TCN2: variants seen among roughly 807,000 people sequenced by gnomAD.
TCN2 encodes the protein transcobalamin-2.
TCN2 carries 34 observed loss-of-function variants against 48.6 expected under a neutral mutation model. The ratio of observed to expected loss-of-function variants is 0.70; its 90% CI spans 0.53 to 0.93. TCN2 has a LOEUF of 0.93. TCN2 is among the 40% of genes least tolerant of loss of function. The pLI is 0.00. For synonymous variants in TCN2, 283 were observed against 212.5 expected (o/e 1.33, Z -2.89); for missense variants, 652 against 526.1 (o/e 1.24, Z -2.34).
At chr22:30,614,098 G>A (rs1469070963) in intron 3 of TCN2, among the ~76,000 whole-genome samples, 5 of 152,152 alleles carry the variant, frequency 3.3e-5, no homozygotes, top group Admixed American at 1.3e-4. Context: ...AATTGCAGTC[G>A]CATGAGCAAT....
At position 30,613,489 on chromosome 22, in the gene TCN2, G is replaced by C. The variant is rs938103035; in HGVS notation, c.427+447G>C. On this transcript the variant is annotated intron_variant, in intron 3 of 8. Coordinates refer to ENST00000215838, the MANE Select transcript of TCN2 (RefSeq NM_000355.4). ...ACGTGGGGTTTCTCCATGTTGGTCA[G>C]GCTGGTCTCGAACTCCTGACCTCAG... Among the ~76,000 whole-genome samples, 14 of 152,114 alleles carry C rather than the reference G, an allele frequency of 9.2e-5. No homozygotes were observed. In the South Asian group the frequency reaches 1.2e-3, roughly 14 times the overall value.
chr22:30,624,582 G>C (rs2087775621), intron 8 of TCN2, among the ~76,000 whole-genome samples: 2 of 152,046 alleles, frequency 1.3e-5, no homozygotes, highest in Admixed American at 6.6e-5. Flanking sequence ...ATAAAAAATA[G>C]GAGCTACAGA....
intron 1 of TCN2, among the ~76,000 whole-genome samples, chr22:30,608,661 A>C (rs754331339): frequency 3.3e-5 from 5 of 151,956 alleles, no homozygotes; most frequent in Non-Finnish European, 7.4e-5. Context: ...AATTGCTGAG[A>C]TTACAGGCGT....
intron 3 of TCN2, among the ~76,000 whole-genome samples, chr22:30,614,113 G>C (rs1226439310): frequency 1.3e-5 from 2 of 152,210 alleles, no homozygotes; most frequent in Non-Finnish European, 2.9e-5. Flanking sequence ...AGCAATTGCT[G>C]TGGTTGAGGC....
chr22:30,617,088 A>T (rs1435788239), intron 6 of TCN2, among the ~76,000 whole-genome samples: 2 of 151,488 alleles, frequency 1.3e-5, no homozygotes, highest in Non-Finnish European at 2.9e-5. Context: ...GAGGGGCCTG[A>T]TCTTGGGTGG....
At chr22:30,621,806 C>T (rs1423282723) in intron 7 of TCN2, among the ~76,000 whole-genome samples, 4 of 151,970 alleles carry the variant, frequency 2.6e-5, no homozygotes, top group Non-Finnish European at 4.4e-5. Flanking sequence ...TTTGAAAGAC[C>T]ATTCCCCCAA....
intron 1 of TCN2, 69 bp from the exon 2 acceptor site, chr22:30,610,802 T>G: frequency 1.9e-6 from 3 of 1,558,020 alleles, no homozygotes; most frequent in Non-Finnish European, 2.7e-6. Context: ...AAGGCCCTGG[T>G]AACGTCAAAG....
At chr22:30,619,651 C>G (rs1238408720) in intron 7 of TCN2, among the ~76,000 whole-genome samples, 1 of 152,150 alleles carries the variant, frequency 6.6e-6, no homozygotes, top group Non-Finnish European at 1.5e-5. Flanking sequence ...GAATCATGGG[C>G]CTATCTCTGT....
At chr22:30,607,601 G>A (rs772418293) in intron 1 of TCN2, among the ~76,000 whole-genome samples, 2 of 152,170 alleles carry the variant, frequency 1.3e-5, no homozygotes, top group Admixed American at 6.5e-5. Context: ...TCAGTCATTC[G>A]TTCACACATT....
chr22:30,610,113 GTGTT>G (rs1220610821), intron 1 of TCN2: 11 of 447,186 alleles, frequency 2.5e-5, no homozygotes, highest in South Asian at 5.0e-5. Flanking sequence ...CGCTTCCAGA[GTGTT>G]TGAGTATTTT....
At chr22:30,615,013 C>G (rs1186447740) in intron 4 of TCN2, among the ~76,000 whole-genome samples, 3 of 152,220 alleles carry the variant, frequency 2.0e-5, no homozygotes, top group South Asian at 2.1e-4. Flanking sequence ...CCTCCCTCCT[C>G]CAGTCCTTCT....
intron 8 of TCN2, 78 bp from the exon 9 acceptor site, chr22:30,626,382 T>C: frequency 6.8e-7 from 1 of 1,466,780 alleles, no homozygotes; most frequent in Admixed American, 1.7e-5. Context: ...AGCCTCAGGG[T>C]GGGGGGTCTG....
chr22:30,625,805 C>G (rs1003313584), intron 8 of TCN2, among the ~76,000 whole-genome samples: 4 of 152,166 alleles, frequency 2.6e-5, no homozygotes, highest in African/African-American at 9.7e-5. Flanking sequence ...GCTCTACTCT[C>G]ATGACCTAAT....
chr22:30,615,830 T>A, intron 6 of TCN2, 43 bp downstream of exon 6: 1 of 1,611,282 alleles, frequency 6.2e-7, no homozygotes, highest in Non-Finnish European at 8.5e-7. Flanking sequence ...TACAATCTGC[T>A]GCGCACCCAT....
chr22:30,615,203 T>C, intron 4 of TCN2, 98 bp from the exon 5 acceptor site: 1 of 1,312,612 alleles, frequency 7.6e-7, no homozygotes, highest in Non-Finnish European at 1.1e-6. Flanking sequence ...AGCCCTCCTG[T>C]GGTTGTCCAT....
At chr22:30,619,063 C>T (rs2087658643) in intron 7 of TCN2, among the ~76,000 whole-genome samples, 1 of 152,086 alleles carries the variant, frequency 6.6e-6, no homozygotes, top group African/African-American at 2.4e-5. Context: ...AGCCACTATG[C>T]CTGGCCCAGA....
In TCN2 at chr22:30,615,671, T is replaced by A; in HGVS notation, c.824T>A (p.Leu275Gln). ...TGTCTCAAGGCGAGGGTTGCTTTGC[T>A]GGCCAGTCTGCAGGATGGAGCCTTC... ...TACLKARVAL[L>Q]ASLQDGAFQN... The change falls in exon 6 of 9, where the codon CTG (leucine) becomes CAG (glutamine). Residue 275 changes from leucine to glutamine, a missense_variant. By Grantham distance (113) the Leu-to-Gln change is moderately radical. Transcript: ENST00000215838. The A allele has an allele frequency of 1.9e-6, 3 of 1,614,250 alleles. No individual in the cohort carries two copies. Among genetic ancestry groups the A allele is most frequent in the Non-Finnish European group, 2.5e-6 (3 of 1,180,048 alleles).
chr22:30,611,449 C>T (rs1216895865), intron 2 of TCN2, among the ~76,000 whole-genome samples: 1 of 152,186 alleles, frequency 6.6e-6, no homozygotes, highest in Non-Finnish European at 1.5e-5. Flanking sequence ...TGTATGCTCC[C>T]CTCCCATGCA....
intron 6 of TCN2, 136 bp from the exon 7 acceptor site, chr22:30,617,194 A>T (rs954371730): frequency 4.2e-6 from 5 of 1,177,418 alleles, no homozygotes; most frequent in Middle Eastern, 2.0e-4. Flanking sequence ...TCAGCTGAGC[A>T]GGTGGCGGTG....
Sources: allele counts gnomAD v4.1 joint callset (sites outside exome capture counted in the v4.1 genomes callset), GRCh38; gene constraint gnomAD v4.1.1; transcripts MANE v1.5; gene names NCBI Gene and HGNC (gene_info 2026-07-23, HGNC 2026-07-21).